Variants in TOX observed in about 807,000 individuals in gnomAD.
The protein encoded by TOX is thymocyte selection-associated high mobility group box protein TOX.
A neutral mutation model predicts 53.7 loss-of-function variants in TOX; 11 were observed. That is an observed-to-expected ratio of 0.20 (90% confidence interval 0.13 to 0.34). The LOEUF is 0.34. Among genes scored for constraint, TOX ranks in the 10% least tolerant of loss-of-function variants. The pLI is 1.00. For missense variants in TOX, 570 were observed against 664.6 expected (o/e 0.86, Z 1.56); for synonymous variants, 225 against 245.3 (o/e 0.92, Z 0.77).
chr8:58,816,208 T>G (rs1212082994), intron 6 of TOX, among the ~76,000 whole-genome samples: 1 of 152,218 alleles, frequency 6.6e-6, no homozygotes, highest in Non-Finnish European at 1.5e-5. Flanking sequence ...ACAAAGCTGG[T>G]TGATGGAAAT....
chr8:58,997,253 G>A (rs1336377452), intron 1 of TOX, among the ~76,000 whole-genome samples: 3 of 151,878 alleles, frequency 2.0e-5, no homozygotes, highest in Non-Finnish European at 4.4e-5. Context: ...AGAACAGGTG[G>A]GGGCTTACTG....
chr8:59,107,824 A>T (rs998029696), intron 1 of TOX, among the ~76,000 whole-genome samples: 1 of 152,174 alleles, frequency 6.6e-6, no homozygotes. Flanking sequence ...AGCATATTAG[A>T]TAAAACAGCT....
At chr8:58,895,512 G>A (rs1419169892) in intron 3 of TOX, among the ~76,000 whole-genome samples, 1 of 152,206 alleles carries the variant, frequency 6.6e-6, no homozygotes, top group Non-Finnish European at 1.5e-5. Flanking sequence ...GGAGGTCTAA[G>A]TTCTATAGTA....
At chr8:58,914,393 C>T (rs1811964853) in intron 3 of TOX, among the ~76,000 whole-genome samples, 1 of 152,180 alleles carries the variant, frequency 6.6e-6, no homozygotes, top group Non-Finnish European at 1.5e-5. Context: ...TTGCAGTATG[C>T]TTTTAAGAGA....
intron 1 of TOX, among the ~76,000 whole-genome samples, chr8:59,107,054 G>GA (rs1804924698): frequency 7.8e-6 from 1 of 128,024 alleles, no homozygotes; most frequent in Non-Finnish European, 1.7e-5. Flanking sequence ...GCTGGGGGGG[G>GA]GGGGAACGTG....
chr8:58,828,326 T>C (rs958886474), intron 5 of TOX, among the ~76,000 whole-genome samples: 2 of 152,200 alleles, frequency 1.3e-5, no homozygotes, highest in African/African-American at 4.8e-5. Context: ...ATTTTTCTCC[T>C]AAAGTGGGGG....
At chr8:58,826,775 G>C (rs566591387) in intron 6 of TOX, 47 bp downstream of exon 6, 5 of 1,524,374 alleles carry the variant, frequency 3.3e-6, no homozygotes, top group Non-Finnish European at 4.4e-6. Flanking sequence ...CAAAGTCTGC[G>C]CCGAGATGGC....
chr8:58,816,258 T>G (rs975784435), intron 6 of TOX, among the ~76,000 whole-genome samples: 2 of 152,188 alleles, frequency 1.3e-5, no homozygotes, highest in Non-Finnish European at 2.9e-5. Flanking sequence ...CTTTCTGAAG[T>G]CATATAAAAC....
At chr8:59,088,097 C>T (rs117799438) in intron 1 of TOX, among the ~76,000 whole-genome samples, 156 of 151,984 alleles carry the variant, frequency 1.0e-3, no homozygotes, top group Non-Finnish European at 1.7e-3. Context: ...TTTTTGGCAG[C>T]GAATATAAAT....
chr8:58,993,006 A>G (rs1350254360), intron 1 of TOX: 1 of 152,220 alleles, frequency 6.6e-6, no homozygotes, highest in Non-Finnish European at 1.5e-5. Flanking sequence ...ACCCATGTCC[A>G]GTAATGGCTC....
intron 1 of TOX, among the ~76,000 whole-genome samples, chr8:59,108,931 G>A (rs1490046213): frequency 6.6e-6 from 1 of 152,124 alleles, no homozygotes; most frequent in Non-Finnish European, 1.5e-5. Context: ...CCAGCAAAAT[G>A]GAAATCCCAC....
chr8:58,864,111 T>G (rs4738724), intron 3 of TOX, among the ~76,000 whole-genome samples: 52,229 of 151,988 alleles, frequency 0.34, 9,052 homozygotes, highest in South Asian at 0.4. Context: ...TAATGATATG[T>G]CTAAGATAGT....
chr8:58,910,247 T>A (rs1002895139), intron 3 of TOX, among the ~76,000 whole-genome samples: 2 of 152,224 alleles, frequency 1.3e-5, no homozygotes, highest in Non-Finnish European at 2.9e-5. Context: ...ATTATTGAGA[T>A]TCATACAATC....
intron 1 of TOX, among the ~76,000 whole-genome samples, chr8:59,017,223 G>A (rs969152065): frequency 6.6e-5 from 10 of 152,196 alleles, no homozygotes; most frequent in African/African-American, 2.4e-4. Context: ...TTATCATACT[G>A]TAGCACTGTT....
chr8:59,103,184 A>G (rs1804836381), intron 1 of TOX, among the ~76,000 whole-genome samples: 1 of 152,230 alleles, frequency 6.6e-6, no homozygotes, highest in African/African-American at 2.4e-5. Context: ...GAAGTCATCC[A>G]GTTTAGACTA....
chr8:59,110,803 A>C lies in TOX; in HGVS notation c.102+8083T>G, dbSNP rs927606410. On this transcript the variant is annotated intron_variant, in intron 1 of 8. Transcript: ENST00000361421. ...GTACCTACAGAGACCCCATTTTCCCAATTCACCTTTGACTCTCCGGAAAGG... is the reference window on the plus strand; with the variant it reads ...GTACCTACAGAGACCCCATTTTCCCCATTCACCTTTGACTCTCCGGAAAGG... 2.6e-5 allele frequency among the ~76,000 whole-genome samples: 4 copies of C among 152,054 alleles called. No individual in the cohort carries two copies. The East Asian group carries it at 7.8e-4, about 30-fold the overall frequency.
At chr8:58,985,143 A>G (rs1209582865) in intron 1 of TOX, among the ~76,000 whole-genome samples, 1 of 150,068 alleles carries the variant, frequency 6.7e-6, no homozygotes, top group Non-Finnish European at 1.5e-5. Flanking sequence ...CTATATAGAT[A>G]TATATCTATA....
chr8:59,055,473 G>A (rs1489927110), intron 1 of TOX, among the ~76,000 whole-genome samples: 2 of 152,204 alleles, frequency 1.3e-5, no homozygotes, highest in African/African-American at 4.8e-5. Context: ...CTGCAGCCAG[G>A]AGGCAGTGGC....
intron 3 of TOX, among the ~76,000 whole-genome samples, chr8:58,862,181 A>T (rs1331476075): frequency 1.3e-5 from 2 of 152,224 alleles, no homozygotes; most frequent in African/African-American, 4.8e-5. Context: ...CATGGTATTA[A>T]TAACTTGGAA....
Sources: gnomAD v4.1 joint callset for allele counts (sites outside exome capture counted in the v4.1 genomes callset) on GRCh38, gnomAD v4.1.1 for gene constraint, MANE v1.5 for transcripts, NCBI Gene and HGNC (gene_info 2026-07-23, HGNC 2026-07-21) for gene names.